Variants in HOXB8 observed in about 807,000 individuals in gnomAD.
HOXB8 encodes homeobox protein Hox-B8.
HOXB8 carries 17 observed loss-of-function variants against 22.2 expected under a neutral mutation model. The ratio of observed to expected loss-of-function variants is 0.77; its 90% CI spans 0.53 to 1.15. HOXB8 has a LOEUF of 1.15. HOXB8 is among the 50% of genes most tolerant of loss of function. The pLI is 0.00. For missense variants in HOXB8, 287 were observed against 323.8 expected, an observed-to-expected ratio of 0.89 and a Z score of 0.87; for synonymous variants, 156 against 144.6, an observed-to-expected ratio of 1.08 and a Z score of -0.57.
rs1429220987 is a variant in HOXB8, at chr17:48,612,347, C to G, written c.*855G>C. ...TGAGGAGCGCTGGCCGGGCCAGTCT[C>G]GGGTTCTCGCTTGTAAACTTTATTG... On this transcript the variant is annotated 3_prime_UTR_variant, in exon 2 of 2. Coordinates refer to ENST00000239144, the MANE Select transcript of HOXB8 (RefSeq NM_024016.4). The G allele has an allele frequency of 1.3e-5, 2 of 152,642 alleles. No individual in the cohort carries two copies. Among genetic ancestry groups the G allele is most frequent in the Non-Finnish European group, 2.9e-5 (2 of 68,062 alleles). 9.5% of individuals were successfully genotyped at this position (152,642 alleles called of 1,614,324 possible).
In HOXB8 at chr17:48,614,735, G is replaced by T. The variant is rs1304667019; in HGVS notation, c.-31C>A. The T allele has an allele frequency of 6.8e-6, 10 of 1,465,262 alleles. No individual in the cohort carries two copies. Among genetic ancestry groups the T allele is most frequent in the Non-Finnish European group, 9.1e-6 (10 of 1,100,438 alleles). 90.8% of individuals were successfully genotyped at this position (1,465,262 alleles called of 1,614,324 possible). ...TGAATTTTGAGGCGGCGGCGGCGGC[G>T]GAGGCTATAGTTGGGGGCTGTTGGG... On this transcript the variant is annotated 5_prime_UTR_variant, in exon 1 of 2. Transcript: ENST00000239144. The surrounding 1 kb of genome is among the most constrained non-coding windows in gnomAD (Gnocchi z 4.1).
Position 48,614,396 on chromosome 17 carries a change from G to A in HOXB8, c.309C>T (p.Asp103=). 2 of 1,613,156 alleles carry A rather than the reference G, an allele frequency of 1.2e-6. No homozygotes were observed. Among genetic ancestry groups the A allele is most frequent in the South Asian group, 2.2e-5 (2 of 91,078 alleles). The part of the protein sequence containing the change: ...RQSLFGAQDP[D]LVQYADCKLA... ...GCTTGCAGTCTGCGTACTGCACCAG[G>A]TCTGGATCCTGCGCACCGAATAGGC... The change falls in exon 1 of 2, where the codon GAC becomes GAT. Residue 103 remains aspartate (D), a synonymous_variant. Transcript: ENST00000239144. The surrounding 1 kb of genome is among the most constrained non-coding windows in gnomAD (Gnocchi z 4.1).
At position 48,614,285 on chromosome 17, in the gene HOXB8, C is replaced by T; in HGVS notation, c.420G>A (p.Pro140=). The T allele has an allele frequency of 6.6e-7, 1 of 1,508,932 alleles. No homozygotes were observed. Among genetic ancestry groups the T allele is most frequent in the Non-Finnish European group, 8.8e-7 (1 of 1,138,118 alleles). 93.5% of individuals were successfully genotyped at this position (1,508,932 alleles called of 1,614,324 possible). A position where few individuals can be genotyped will look rare whatever the true frequency, so the allele number is the denominator to read the frequency against. ...TCGGCCCCGAGGCGAGCTCACCTTGCGGGCGCATCCAGGGGAAGAGCTGTG... is the reference window on the plus strand; with the variant it reads ...TCGGCCCCGAGGCGAGCTCACCTTGTGGGCGCATCCAGGGGAAGAGCTGTG... ...SPTQLFPWMR[P]QAAAGRRRGR... Residue 140 remains proline (P), a synonymous_variant, in exon 1 of 2, where the codon CCG becomes CCA. Transcript: ENST00000239144. This position sits in a 1 kb window ranked among gnomAD's most constrained non-coding sequence, Gnocchi z 4.1.
rs1481314843 is a variant in HOXB8, at chr17:48,615,061, G to A, written c.-357C>T. ...TAAAGAGGTCCTCGCTTTACATTTC[G>A]AAGAAGGGATGCCAGTTCATAAACA... On this transcript the variant is annotated 5_prime_UTR_variant, in exon 1 of 2. Coordinates refer to ENST00000239144, the MANE Select transcript of HOXB8 (RefSeq NM_024016.4). The A allele has an allele frequency of 5.2e-6, 1 of 192,318 alleles. No homozygotes were observed. Among genetic ancestry groups the A allele is most frequent in the Non-Finnish European group, 9.9e-6 (1 of 100,506 alleles). The allele number at this position is 192,318 out of a possible 1,614,324, so 11.9% of individuals were successfully genotyped here.
chr17:48,613,370 T>A lies in HOXB8; in HGVS notation c.564A>T (p.Arg188Ser), dbSNP rs1306380208. 6.2e-7 allele frequency: 1 copy of A among 1,614,002 alleles called. No homozygotes were observed. Among genetic ancestry groups the A allele is most frequent in the Non-Finnish European group, 8.5e-7 (1 of 1,179,980 alleles). Residue 188 changes from arginine (R) to serine (S), a missense_variant, in exon 2 of 2, where the codon AGA (arginine) becomes AGT (serine). Arg to Ser is a moderately radical substitution (Grantham distance 110). Transcript: ENST00000239144. Reference protein sequence around the residue: ...EVSHALGLTERQVKIWFQNRR... With the variant: ...EVSHALGLTESQVKIWFQNRR... ...GGTTCTGGAACCAGATTTTGACCTGTCTCTCTGTCAGTCCCAGGGCGTGCG... is the reference window on the plus strand; with the variant it reads ...GGTTCTGGAACCAGATTTTGACCTGACTCTCTGTCAGTCCCAGGGCGTGCG...
chr17:48,613,971 C>A (rs951563810), intron 1 of HOXB8, among the ~76,000 whole-genome samples: 4 of 151,890 alleles, frequency 2.6e-5, no homozygotes, highest in African/African-American at 9.7e-5. Context: ...AAGTTGAGCG[C>A]CCCCACTCCC....
intron 1 of HOXB8, 25 bp from the exon 2 acceptor site, chr17:48,613,534 C>T: frequency 3.1e-6 from 1 of 317,680 alleles, no homozygotes; most frequent in Non-Finnish European, 4.9e-6. Flanking sequence ...AAGGGCGAGA[C>T]AGAGGGGAGG....
intron 1 of HOXB8, among the ~76,000 whole-genome samples, chr17:48,613,960 A>C (rs1409317816): frequency 6.6e-6 from 1 of 152,106 alleles, no homozygotes; most frequent in Non-Finnish European, 1.5e-5. Flanking sequence ...GAGAAGTGCA[A>C]AAGTTGAGCG....
chr17:48,614,443 AG>A lies in HOXB8; in HGVS notation c.261del (p.Tyr88ThrfsTer84). On this transcript the variant is annotated frameshift_variant, in exon 1 of 2. Coordinates refer to ENST00000239144, the MANE Select transcript of HOXB8 (RefSeq NM_024016.4). LOFTEE classifies it high-confidence loss of function. This position sits in a 1 kb window ranked among gnomAD's most constrained non-coding sequence, Gnocchi z 4.1. ...ACHGDPGNFYGYDPLQRQSLF... is the reference protein window; with the variant it reads ...ACHGDPGNFYXYDPLQRQSLF... ...AGGCTCTGGCGTTGCAGCGGGTCGTAGCCGTAGAAATTGCCGGGGTCCCCGT... is the reference window on the plus strand; with the variant it reads ...AGGCTCTGGCGTTGCAGCGGGTCGTACCGTAGAAATTGCCGGGGTCCCCGT... 1 of 1,613,942 alleles carries A rather than the reference AG, an allele frequency of 6.2e-7. No individual in the cohort carries two copies. The highest frequency in any genetic ancestry group is 8.5e-7 in the Non-Finnish European group (1 of 1,179,906).
chr17:48,613,245 T>C lies in HOXB8; in HGVS notation c.689A>G (p.Glu230Gly). The C allele has an allele frequency of 6.2e-7, 1 of 1,613,560 alleles. No homozygotes were observed. Among genetic ancestry groups the C allele is most frequent in the Non-Finnish European group, 8.5e-7 (1 of 1,179,718 alleles). Residue 230 changes from glutamate (E) to glycine (G), a missense_variant, in exon 2 of 2, where the codon GAG (glutamate) becomes GGG (glycine). By Grantham distance (98) the Glu-to-Gly change is moderately conservative (BLOSUM62 -2). Around this residue, in one of 3 missense-constraint regions of HOXB8, gnomAD observed 52 missense variants for 54.8 expected, o/e 0.95. Coordinates refer to ENST00000239144, the MANE Select transcript of HOXB8 (RefSeq NM_024016.4). ...CTGCGCGTCGCCCTCGTCCGCCGCC[T>C]CTGGGGCCCGCTCCAGCTTCTGTTT... The part of the protein sequence containing the change: ...LEKQKLERAP[E>G]AADEGDAQKG...
At position 48,614,436 on chromosome 17, in the gene HOXB8, G is replaced by C; in HGVS notation, c.269C>G (p.Pro90Arg). 6.2e-7 allele frequency: 1 copy of C among 1,613,948 alleles called. No homozygotes were observed. The highest frequency in any genetic ancestry group is 1.7e-5 in the Admixed American group (1 of 60,022). Reference sequence around the variant, plus strand: ...ACCGAATAGGCTCTGGCGTTGCAGCGGGTCGTAGCCGTAGAAATTGCCGGG... The same window carrying C: ...ACCGAATAGGCTCTGGCGTTGCAGCCGGTCGTAGCCGTAGAAATTGCCGGG... ...GDPGNFYGYDPLQRQSLFGAQ... is the reference protein window; with the variant it reads ...GDPGNFYGYDRLQRQSLFGAQ... Residue 90 changes from proline to arginine, a missense_variant, in exon 1 of 2, where the codon CCG becomes CGG. Pro to Arg is a moderately radical substitution (Grantham distance 103, BLOSUM62 -2). Transcript: ENST00000239144. This position sits in a 1 kb window ranked among gnomAD's most constrained non-coding sequence, Gnocchi z 4.1.
Position 48,614,613 on chromosome 17 carries a change from T to C in HOXB8, c.92A>G (p.Asp31Gly). 6.2e-7 allele frequency: 1 copy of C among 1,609,480 alleles called. No homozygotes were observed. Among genetic ancestry groups the C allele is most frequent in the Non-Finnish European group, 8.5e-7 (1 of 1,177,930 alleles). The change falls in exon 1 of 2, where the codon GAC becomes GGC. Residue 31 changes from aspartate (D) to glycine (G), a missense_variant. Coordinates refer to ENST00000239144, the MANE Select transcript of HOXB8 (RefSeq NM_024016.4). The surrounding 1 kb of genome is among the most constrained non-coding windows in gnomAD (Gnocchi z 4.1). ...PNYYDCGFAQ[D>G]LGGRPTVVYG... The stretch of plus-strand genomic sequence containing the variant: ...CACCACGGTGGGTCGGCCGCCCAGG[T>C]CCTGGGCGAAGCCGCAGTCATAATA...
chr17:48,612,714 G>C lies in HOXB8; in HGVS notation c.*488C>G, dbSNP rs2070666234. On this transcript the variant is annotated 3_prime_UTR_variant, in exon 2 of 2. Transcript: ENST00000239144. The stretch of plus-strand genomic sequence containing the variant: ...ACGCAGCGAGAGAGAGCGAGAGCGA[G>C]AGCGAGCGAGCGAGAGAGAGAGAGA... The C allele has an allele frequency of 7.6e-6, 1 of 131,000 alleles. No individual in the cohort carries two copies. The highest frequency in any genetic ancestry group is 2.9e-5 in the African/African-American group (1 of 34,702). The allele number at this position is 131,000 out of a possible 1,614,324, so 8.1% of individuals were successfully genotyped here.
At position 48,613,522 on chromosome 17, in the gene HOXB8, G is replaced by T; in HGVS notation, c.425-13C>A. On this transcript the variant is annotated splice_polypyrimidine_tract_variant and intron_variant, in intron 1 of 1. Transcript: ENST00000239144. ...CGTCCGGCGGCTGCTGGGAATGGGG[G>T]AAAGGGCGAGACAGAGGGGAGGGGA... The T allele has an allele frequency of 1.1e-6, 1 of 923,952 alleles. No individual in the cohort carries two copies. Among genetic ancestry groups the T allele is most frequent in the Non-Finnish European group, 1.4e-6 (1 of 695,118 alleles). The allele number at this position is 923,952 out of a possible 1,614,324, so 57.2% of individuals were successfully genotyped here. A position where few individuals can be genotyped will look rare whatever the true frequency, so the allele number is the denominator to read the frequency against.
At position 48,614,869 on chromosome 17, in the gene HOXB8, AG is replaced by A; in HGVS notation, c.-166del. The stretch of plus-strand genomic sequence containing the variant: ...AGAGGGAAAGAGAGGAGGGAAAAAA[AG>A]AAAAGAAAGAAAAGGCGAAGAAGAT... On this transcript the variant is annotated 5_prime_UTR_variant, in exon 1 of 2. Coordinates refer to ENST00000239144, the MANE Select transcript of HOXB8 (RefSeq NM_024016.4). The surrounding 1 kb of genome is among the most constrained non-coding windows in gnomAD (Gnocchi z 4.1). The A allele has an allele frequency of 1.7e-6, 1 of 572,706 alleles. No homozygotes were observed. The highest frequency in any genetic ancestry group is 3.6e-5 in the Admixed American group (1 of 27,694). The allele number at this position is 572,706 out of a possible 1,614,324, so 35.5% of individuals were successfully genotyped here. A position where few individuals can be genotyped will look rare whatever the true frequency, so the allele number is the denominator to read the frequency against.
chr17:48,614,403 T>C lies in HOXB8; in HGVS notation c.302A>G (p.Asp101Gly). Residue 101 changes from aspartate (D) to glycine (G), a missense_variant, in exon 1 of 2, where the codon GAT becomes GGT. Asp to Gly is a moderately conservative substitution (Grantham distance 94). This residue lies in a region of HOXB8 where 229 missense variants were observed against 239.8 expected (regional missense o/e 0.95). Coordinates refer to ENST00000239144, the MANE Select transcript of HOXB8 (RefSeq NM_024016.4). This position sits in a 1 kb window ranked among gnomAD's most constrained non-coding sequence, Gnocchi z 4.1. The stretch of plus-strand genomic sequence containing the variant: ...GTCTGCGTACTGCACCAGGTCTGGA[T>C]CCTGCGCACCGAATAGGCTCTGGCG... ...LQRQSLFGAQDPDLVQYADCK... is the reference protein window; with the variant it reads ...LQRQSLFGAQGPDLVQYADCK... The C allele has an allele frequency of 6.2e-7, 1 of 1,613,464 alleles. No homozygotes were observed. The highest frequency in any genetic ancestry group is 2.2e-5 in the East Asian group (1 of 44,852).
chr17:48,613,268 T>C lies in HOXB8; in HGVS notation c.666A>G (p.Lys222=), dbSNP rs376484541. 3.2e-5 allele frequency: 51 copies of C among 1,613,704 alleles called. No individual in the cohort carries two copies. The highest frequency in any genetic ancestry group is 4.2e-5 in the Non-Finnish European group (49 of 1,179,862). Residue 222 remains lysine (K), a synonymous_variant, in exon 2 of 2, where the codon AAA becomes AAG. Coordinates refer to ENST00000239144, the MANE Select transcript of HOXB8 (RefSeq NM_024016.4). ...CCTCTGGGGCCCGCTCCAGCTTCTG[T>C]TTCTCCAGCTCCTCCTGCTCGCATT... ...SSKCEQEELE[K]QKLERAPEAA...
rs2070702497 is a variant in HOXB8, at chr17:48,614,637, T to A, written c.68A>T (p.Tyr23Phe). 5 of 1,609,538 alleles carry A rather than the reference T, an allele frequency of 3.1e-6. No individual in the cohort carries two copies. The East Asian group carries it at 1.1e-4, about 36-fold the overall frequency. Reference sequence around the variant, plus strand: ...GTCCTGGGCGAAGCCGCAGTCATAATAATTGGGGCGCAGGGACTCCCCGGT... The same window carrying A: ...GTCCTGGGCGAAGCCGCAGTCATAAAAATTGGGGCGCAGGGACTCCCCGGT... ...YKTGESLRPN[Y>F]YDCGFAQDLG... The change falls in exon 1 of 2, where the codon TAT becomes TTT. Residue 23 changes from tyrosine to phenylalanine, a missense_variant. By Grantham distance (22) the Tyr-to-Phe change is conservative (BLOSUM62 3). Transcript: ENST00000239144. The surrounding 1 kb of genome is among the most constrained non-coding windows in gnomAD (Gnocchi z 4.1).
Position 48,613,269 on chromosome 17 carries a change from T to G in HOXB8, c.665A>C (p.Lys222Thr). ...CTCTGGGGCCCGCTCCAGCTTCTGT[T>G]TCTCCAGCTCCTCCTGCTCGCATTT... The part of the protein sequence containing the change: ...SSKCEQEELE[K>T]QKLERAPEAA... Residue 222 changes from lysine to threonine, a missense_variant, in exon 2 of 2, where the codon AAA becomes ACA. This residue lies in a region of HOXB8 where 52 missense variants were observed against 54.8 expected (regional missense o/e 0.95). Transcript: ENST00000239144. 1.9e-6 allele frequency: 3 copies of G among 1,613,808 alleles called. No individual in the cohort carries two copies. Among genetic ancestry groups the G allele is most frequent in the Non-Finnish European group, 2.5e-6 (3 of 1,179,832 alleles).
Sources: gnomAD v4.1 joint callset for allele counts (sites outside exome capture counted in the v4.1 genomes callset) on GRCh38, gnomAD v4.1.1 for gene constraint, gnomAD v4.1.1 regional missense constraint, Gnocchi (gnomAD v3.1) non-coding constraint, MANE v1.5 for transcripts, NCBI Gene and HGNC (gene_info 2026-07-23, HGNC 2026-07-21) for gene names.